Variants in CNTN4 observed in about 807,000 individuals in gnomAD.
CNTN4 encodes the protein contactin 4.
In CNTN4, 77 loss-of-function variants were observed where a neutral mutation model predicts 122.5. The ratio of observed to expected loss-of-function variants is 0.63; its 90% CI spans 0.52 to 0.76. The LOEUF (loss-of-function observed/expected upper bound fraction) is 0.76. Ranked by LOEUF, CNTN4 falls within the 30% of genes least tolerant of loss-of-function variation. The pLI is 0.00. For missense variants in CNTN4, 1,256 were observed against 1,259.1 expected (o/e 1.00, Z 0.04); for synonymous variants, 512 against 447.0 (o/e 1.15, Z -1.83).
At chr3:2,820,741 AG>A (rs764853819) in intron 7 of CNTN4, among the ~76,000 whole-genome samples, 76 of 152,154 alleles carry the variant, frequency 5.0e-4, no homozygotes, top group African/African-American at 1.5e-3. Context: ...GGAAATTACA[AG>A]GGTTTTGGGA....
chr3:2,736,414 T>C (rs2089095179), intron 5 of CNTN4, 73 bp downstream of exon 5: 1 of 1,168,260 alleles, frequency 8.6e-7, no homozygotes, highest in Non-Finnish European at 1.2e-6. Context: ...ACTTATACAA[T>C]GCTGGTTACA....
intron 7 of CNTN4, among the ~76,000 whole-genome samples, chr3:2,853,094 G>A (rs1369128955): frequency 6.6e-6 from 1 of 151,830 alleles, no homozygotes; most frequent in Non-Finnish European, 1.5e-5. Context: ...ATGGAGGAAG[G>A]TAAAATAAGT....
chr3:2,759,660 G>A (rs916003090), intron 6 of CNTN4, among the ~76,000 whole-genome samples: 5 of 151,032 alleles, frequency 3.3e-5, no homozygotes, highest in Admixed American at 2.0e-4. Context: ...GTAGCTAGTG[G>A]AGTTACTGTA....
chr3:2,191,861 T>C (rs1422772618), intron 2 of CNTN4, among the ~76,000 whole-genome samples: 2 of 152,242 alleles, frequency 1.3e-5, no homozygotes, highest in African/African-American at 2.4e-5. Flanking sequence ...GTATATCTCC[T>C]AATGCTATGC....
intron 4 of CNTN4, among the ~76,000 whole-genome samples, chr3:2,594,694 A>G (rs933787662): frequency 6.6e-6 from 1 of 152,180 alleles, no homozygotes; most frequent in Non-Finnish European, 1.5e-5. Flanking sequence ...TGCTGGGATT[A>G]CAGGCATGAG....
At chr3:2,477,946 T>C (rs948085534) in intron 3 of CNTN4, among the ~76,000 whole-genome samples, 15 of 152,182 alleles carry the variant, frequency 9.9e-5, no homozygotes, top group African/African-American at 2.4e-4. Flanking sequence ...CTGAAACATA[T>C]AATCTATTTT....
chr3:3,030,952 C>T lies in CNTN4; in HGVS notation c.1760C>T (p.Ala587Val). The change falls in exon 16 of 25, where the codon GCT becomes GTT. Residue 587 changes from alanine (A) to valine (V), a missense_variant. By Grantham distance (64) the Ala-to-Val change is moderately conservative. Coordinates refer to ENST00000418658, the MANE Select transcript of CNTN4 (RefSeq NM_175607.3). ...MVQTSVDRLS[A>V]AADLIVRGPP... ...CAAACAAGTGTGGACAGGCTATCTG[C>T]TGCTGCAGACCTGATTGTAAGAGGT... 6.8e-6 allele frequency: 11 copies of T among 1,614,052 alleles called. No homozygotes were observed. The highest frequency in any genetic ancestry group is 9.3e-6 in the Non-Finnish European group (11 of 1,179,928).
At chr3:2,411,753 A>G (rs770123330) in intron 3 of CNTN4, among the ~76,000 whole-genome samples, 1 of 152,156 alleles carries the variant, frequency 6.6e-6, no homozygotes, top group Non-Finnish European at 1.5e-5. Context: ...CTTACTATGT[A>G]AGTTTCAAAT....
intron 6 of CNTN4, among the ~76,000 whole-genome samples, chr3:2,816,155 C>A (rs1253499867): frequency 2.5e-4 from 38 of 151,894 alleles, no homozygotes. Context: ...GAGATCGAGA[C>A]CATCCTGGCT....
chr3:2,410,002 G>C (rs940814486), intron 3 of CNTN4, among the ~76,000 whole-genome samples: 1 of 152,078 alleles, frequency 6.6e-6, no homozygotes, highest in South Asian at 2.1e-4. Context: ...TTCAGTTTGG[G>C]GGAATGTTAA....
At chr3:3,035,209 G>A (rs1002264344) in intron 17 of CNTN4, among the ~76,000 whole-genome samples, 3 of 151,450 alleles carry the variant, frequency 2.0e-5, no homozygotes, top group African/African-American at 7.3e-5. Context: ...TCAGGAGGCT[G>A]AGGTGGGAGG....
At chr3:2,317,097 A>G (rs1575356424) in intron 2 of CNTN4, among the ~76,000 whole-genome samples, 1 of 152,200 alleles carries the variant, frequency 6.6e-6, no homozygotes, top group Admixed American at 6.5e-5. Context: ...AACACTATCA[A>G]TACTACCTAT....
chr3:2,241,729 A>T (rs1003773948), intron 2 of CNTN4, among the ~76,000 whole-genome samples: 10 of 152,068 alleles, frequency 6.6e-5, no homozygotes, highest in African/African-American at 2.4e-4. Context: ...TCTCTTCCCC[A>T]TGTTCCCTCC....
intron 23 of CNTN4, among the ~76,000 whole-genome samples, chr3:3,045,994 T>TC (rs1700607329): frequency 1.3e-5 from 2 of 152,198 alleles, no homozygotes; most frequent in Non-Finnish European, 2.9e-5. Context: ...CAAGCTTCAG[T>TC]AGCCAATTCG....
chr3:2,878,990 A>C (rs1048452236), intron 8 of CNTN4, among the ~76,000 whole-genome samples: 21 of 152,186 alleles, frequency 1.4e-4, no homozygotes, highest in African/African-American at 4.8e-4. Flanking sequence ...GAAGCCACCC[A>C]AATGCCCATC....
At position 2,170,206 on chromosome 3, in the gene CNTN4, G is replaced by A. The variant is rs188443386; in HGVS notation, c.-145+69567G>A. On this transcript the variant is annotated intron_variant, in intron 2 of 24. Transcript: ENST00000418658. ...CGTGGTGGCGGCGCCTGTAGTCCCA[G>A]CTACTCGGGAGGCTGAGGCGGGAGA... Among the ~76,000 whole-genome samples the A allele has an allele frequency of 3.9e-3, 593 of 151,722 alleles. 6 individuals carry two copies. Among genetic ancestry groups the A allele is most frequent in the African/African-American group, 0.014 (564 of 41,288 alleles).
At chr3:3,004,599 G>A (rs1696423520) in intron 14 of CNTN4, among the ~76,000 whole-genome samples, 1 of 152,178 alleles carries the variant, frequency 6.6e-6, no homozygotes, top group Admixed American at 6.5e-5. Context: ...CCACCTATAA[G>A]CTGTTGAAAG....
At chr3:2,605,830 A>G (rs1042156854) in intron 4 of CNTN4, among the ~76,000 whole-genome samples, 4 of 152,206 alleles carry the variant, frequency 2.6e-5, no homozygotes, top group Non-Finnish European at 4.4e-5. Flanking sequence ...GGTTTTCATG[A>G]TGTTGAATTC....
intron 6 of CNTN4, among the ~76,000 whole-genome samples, chr3:2,757,017 A>T (rs979839345): frequency 6.6e-6 from 1 of 152,190 alleles, no homozygotes; most frequent in African/African-American, 2.4e-5. Context: ...TCAATTTTTT[A>T]AAAAAATCTT....
Sources: gnomAD v4.1 joint callset for allele counts (sites outside exome capture counted in the v4.1 genomes callset) on GRCh38, gnomAD v4.1.1 for gene constraint, MANE v1.5 for transcripts, NCBI Gene and HGNC (gene_info 2026-07-23, HGNC 2026-07-21) for gene names.